KCNN2: variants seen among roughly 807,000 people sequenced by gnomAD.
KCNN2 encodes small conductance calcium-activated potassium channel protein 2.
A neutral mutation model predicts 55.5 loss-of-function variants in KCNN2; 24 were observed. The ratio of observed to expected loss-of-function variants is 0.43; its 90% CI spans 0.31 to 0.61. KCNN2 has a LOEUF of 0.61. KCNN2 is among the 20% of genes least tolerant of loss of function. KCNN2 has a pLI of 0.08. For missense variants in KCNN2, 754 were observed against 853.6 expected (o/e 0.88, Z 1.45); for synonymous variants, 431 against 336.1 (o/e 1.28, Z -3.09).
chr5:114,280,322 A>G lies in KCNN2; in HGVS notation c.-185+58757A>G, dbSNP rs376239202. 1.5e-4 allele frequency among the ~76,000 whole-genome samples: 23 copies of G among 152,260 alleles called. No homozygotes were observed. The East Asian group carries it at 4.3e-3, about 28-fold the overall frequency. ...TAGCTTAATTAGACCCCATTTGTCAATTTTGGCTTTTGTTGCCATTGCATT... is the reference window on the plus strand; with the variant it reads ...TAGCTTAATTAGACCCCATTTGTCAGTTTTGGCTTTTGTTGCCATTGCATT... On this transcript the variant is annotated intron_variant, in intron 2 of 10. Coordinates refer to the KCNN2 transcript ENST00000512097.
At chr5:114,360,058 A>G (rs556973174), upstream of KCNN2, among the ~76,000 whole-genome samples, 1 of 152,330 alleles carries the variant, frequency 6.6e-6, no homozygotes, top group African/African-American at 2.4e-5. Flanking sequence ...GATGATAAAA[A>G]CAAAATGCTG....
chr5:114,455,873 C>T (rs369597977), intron 3 of KCNN2, among the ~76,000 whole-genome samples: 4 of 152,196 alleles, frequency 2.6e-5, no homozygotes, highest in African/African-American at 9.6e-5. Flanking sequence ...CTCTTCAGTT[C>T]TTTGAAGGCT....
intron 1 of KCNN2, among the ~76,000 whole-genome samples, chr5:114,080,514 T>C (rs1416115292): frequency 6.6e-6 from 1 of 152,176 alleles, no homozygotes; most frequent in African/African-American, 2.4e-5. Flanking sequence ...TTCCTGTAAG[T>C]TTTGAATTTT....
At chr5:114,090,127 A>G (rs1751105414) in intron 1 of KCNN2, among the ~76,000 whole-genome samples, 2 of 152,202 alleles carry the variant, frequency 1.3e-5, no homozygotes, top group African/African-American at 4.8e-5. Context: ...CTTTTTATAT[A>G]TTTAGAGCAA....
intron 2 of KCNN2, among the ~76,000 whole-genome samples, chr5:114,367,538 G>A (rs778611928): frequency 8.6e-5 from 13 of 152,036 alleles, no homozygotes; most frequent in Non-Finnish European, 1.6e-4. Flanking sequence ...AAACATAATA[G>A]CGATTATTTT....
At chr5:114,086,700 G>A (rs895100586) in intron 1 of KCNN2, among the ~76,000 whole-genome samples, 11 of 152,092 alleles carry the variant, frequency 7.2e-5, no homozygotes, top group Admixed American at 7.2e-4. Context: ...CCCCTAGGTT[G>A]ATTCCATGTC....
intron 1 of KCNN2, among the ~76,000 whole-genome samples, chr5:114,166,111 C>T (rs1752905996): frequency 2.6e-5 from 4 of 152,002 alleles, no homozygotes; most frequent in African/African-American, 9.7e-5. Context: ...AGGATGGTCT[C>T]AATGTCCTGA....
chr5:114,477,677 T>C (rs555071496), intron 5 of KCNN2, among the ~76,000 whole-genome samples: 2 of 152,322 alleles, frequency 1.3e-5, no homozygotes, highest in African/African-American at 2.4e-5. Context: ...TGGAAATATA[T>C]TATTATTACT....
intron 3 of KCNN2, among the ~76,000 whole-genome samples, chr5:114,429,163 A>G (rs1759716438): frequency 6.6e-6 from 1 of 152,160 alleles, no homozygotes; most frequent in South Asian, 2.1e-4. Flanking sequence ...CCAAAGTGAC[A>G]TACCATTTTG....
At chr5:114,463,289 C>T (rs17136627) in intron 4 of KCNN2, 99 bp downstream of exon 4, 39,411 of 895,398 alleles carry the variant, frequency 0.044, 1,433 homozygotes, top group African/African-American at 0.16. Flanking sequence ...TACTTCTTTT[C>T]CCATCAGCAG....
At chr5:114,324,775 A>G (rs1756684662) in intron 2 of KCNN2, among the ~76,000 whole-genome samples, 1 of 152,212 alleles carries the variant, frequency 6.6e-6, no homozygotes, top group South Asian at 2.1e-4. Context: ...ATTGGGCAGT[A>G]GGCAGAAGCT....
At chr5:114,120,341 A>AT (rs1426504348) in intron 1 of KCNN2, among the ~76,000 whole-genome samples, 1 of 152,116 alleles carries the variant, frequency 6.6e-6, no homozygotes, top group East Asian at 1.9e-4. Flanking sequence ...CACTGGAGTG[A>AT]TTACAGCTGC....
intron 1 of KCNN2, among the ~76,000 whole-genome samples, chr5:114,105,245 G>A (rs538539554): frequency 4.1e-4 from 62 of 152,132 alleles, no homozygotes; most frequent in Non-Finnish European, 5.9e-4. Context: ...AGGTGTTTTG[G>A]TTGTTGAGAT....
At chr5:114,241,824 G>GTGTATATA (rs1180310046) in intron 2 of KCNN2, among the ~76,000 whole-genome samples, 2 of 31,950 alleles carry the variant, frequency 6.3e-5, no homozygotes, top group Non-Finnish European at 1.2e-4. Flanking sequence ...ATATATGTGT[G>GTGTATATA]TATATATATA....
At position 114,412,180 on chromosome 5, in the gene KCNN2, G is replaced by T. The variant is rs547795726; in HGVS notation, c.1637+7324G>T. The stretch of plus-strand genomic sequence containing the variant: ...TCCCTATAGAGAATATGTAATTTGG[G>T]GTCCCACTTGCATATGGAATATGGG... On this transcript the variant is annotated intron_variant, in intron 3 of 7. Coordinates refer to ENST00000673685, the MANE Select transcript of KCNN2 (RefSeq NM_021614.4). Among the ~76,000 whole-genome samples, 36 of 152,130 alleles carry T rather than the reference G, an allele frequency of 2.4e-4. No homozygotes were observed. In the South Asian group the frequency reaches 7.3e-3, roughly 31 times the overall value.
chr5:114,457,102 G>T (rs1185930631), intron 3 of KCNN2, among the ~76,000 whole-genome samples: 2 of 152,150 alleles, frequency 1.3e-5, no homozygotes, highest in African/African-American at 4.8e-5. Flanking sequence ...AGCATCATAT[G>T]CTATAGATAA....
chr5:114,220,776 AG>A (rs1327594976), intron 1 of KCNN2, among the ~76,000 whole-genome samples: 7 of 149,792 alleles, frequency 4.7e-5, no homozygotes, highest in African/African-American at 1.7e-4. Context: ...CAGTCAGCTG[AG>A]ATCGTGCCAC....
intron 2 of KCNN2, among the ~76,000 whole-genome samples, chr5:114,304,902 A>C (rs550362197): frequency 6.6e-6 from 1 of 152,318 alleles, no homozygotes; most frequent in South Asian, 2.1e-4. Flanking sequence ...GAGTTGCAAC[A>C]CTTTGTCTTC....
At chr5:114,408,582 G>A (rs1026047983) in intron 3 of KCNN2, among the ~76,000 whole-genome samples, 3 of 152,032 alleles carry the variant, frequency 2.0e-5, no homozygotes, top group African/African-American at 7.2e-5. Flanking sequence ...AATAAATATG[G>A]AAAACTCTAG....
Sources: gnomAD v4.1 joint callset for allele counts (sites outside exome capture counted in the v4.1 genomes callset) on GRCh38, gnomAD v4.1.1 for gene constraint, MANE v1.5 for transcripts, NCBI Gene and HGNC (gene_info 2026-07-23, HGNC 2026-07-21) for gene names.